RNGTT: variants seen among roughly 807,000 people sequenced by gnomAD.
RNGTT encodes mRNA-capping enzyme.
Under a neutral mutation model 79.3 loss-of-function variants are expected in RNGTT, and 33 were observed. That is an observed-to-expected ratio of 0.42 (90% confidence interval 0.32 to 0.56). The LOEUF is 0.56. Ranked by LOEUF, RNGTT falls within the 20% of genes least tolerant of loss-of-function variation. The probability of loss-of-function intolerance (pLI) is 0.17; values close to 1 mark genes in which losing one functional copy is unlikely to be tolerated. For synonymous variants in RNGTT, 222 were observed against 235.9 expected (o/e 0.94, Z 0.54); for missense variants, 497 against 739.1 (o/e 0.67, Z 3.80).
At chr6:88,897,221 C>A (rs1422864073) in intron 6 of RNGTT, among the ~76,000 whole-genome samples, 1 of 152,086 alleles carries the variant, frequency 6.6e-6, no homozygotes, top group African/African-American at 2.4e-5. Context: ...GCCTCAGTGC[C>A]CCTTACCCTC....
chr6:88,949,572 T>C (rs975948215), intron 1 of RNGTT, among the ~76,000 whole-genome samples: 12 of 152,150 alleles, frequency 7.9e-5, no homozygotes, highest in East Asian at 1.9e-4. Context: ...AAAAGTGAAA[T>C]AGTCTTATTG....
intron 4 of RNGTT, among the ~76,000 whole-genome samples, chr6:88,926,962 A>G (rs1376048520): frequency 6.6e-6 from 1 of 152,096 alleles, no homozygotes; most frequent in Non-Finnish European, 1.5e-5. Flanking sequence ...TTTCTTTTTT[A>G]TCTTACGTTC....
chr6:88,910,627 A>G (rs1167018292), intron 4 of RNGTT, among the ~76,000 whole-genome samples: 1 of 152,240 alleles, frequency 6.6e-6, no homozygotes, highest in Non-Finnish European at 1.5e-5. Flanking sequence ...ACATGCTAAT[A>G]TAAGAAACTC....
chr6:88,612,652 CA>C lies in RNGTT; in HGVS notation c.*66del. ...AGTCGTTTTTCAATTTCTCTGGCTA[CA>C]AAAATGGGCAACAGCGTTTTTTCCT... On this transcript the variant is annotated 3_prime_UTR_variant, in exon 16 of 16. Transcript: ENST00000369485. The C allele has an allele frequency of 7.5e-7, 1 of 1,327,568 alleles. No individual in the cohort carries two copies. The allele number at this position is 1,327,568 out of a possible 1,614,324, so 82.2% of individuals were successfully genotyped here. A position where few individuals can be genotyped will look rare whatever the true frequency, so the allele number is the denominator to read the frequency against.
Position 88,926,487 on chromosome 6 carries a change from T to C in RNGTT, c.367+2498A>G, listed in dbSNP as rs185173359. 1.5e-4 allele frequency among the ~76,000 whole-genome samples: 23 copies of C among 152,350 alleles called. No homozygotes were observed. The East Asian group carries it at 3.7e-3, about 24-fold the overall frequency. ...CATTGGGATTTTGGTTAGAACAACA[T>C]TAAAACTTTGAAATTAATGTGGAAA... On this transcript the variant is annotated intron_variant, in intron 4 of 15. Transcript: ENST00000369485.
rs1454625994 is a variant in RNGTT, at chr6:88,760,109, A to G, written c.1439+9665T>C. Among the ~76,000 whole-genome samples, 5 of 152,246 alleles carry G rather than the reference A, an allele frequency of 3.3e-5. No homozygotes were observed. In the East Asian group the frequency reaches 9.6e-4, roughly 29 times the overall value. On this transcript the variant is annotated intron_variant, in intron 13 of 15. Transcript: ENST00000369485. ...TAAAACAAAGGTGATATATACTTCT[A>G]TTTAGTAAATTAACAAGTAAAAATA...
chr6:88,764,196 T>G lies in RNGTT; in HGVS notation c.1439+5578A>C, dbSNP rs115933418. 9.0e-3 allele frequency among the ~76,000 whole-genome samples: 1,376 copies of G among 152,354 alleles called. 19 individuals carry two copies. Among genetic ancestry groups the G allele is most frequent in the African/African-American group, 0.031 (1,291 of 41,576 alleles). On this transcript the variant is annotated intron_variant, in intron 13 of 15. Coordinates refer to ENST00000369485, the MANE Select transcript of RNGTT (RefSeq NM_003800.5). The stretch of plus-strand genomic sequence containing the variant: ...GACGCTTCCTGCAGTGCTTGCTTCC[T>G]CTGCAAGACTTTTTCATCTCTTCAG...
intron 1 of RNGTT, among the ~76,000 whole-genome samples, chr6:88,958,137 C>T (rs1354062395): frequency 1.3e-5 from 2 of 152,168 alleles, no homozygotes; most frequent in Non-Finnish European, 2.9e-5. Flanking sequence ...AAAGGACACC[C>T]TATTCAACAA....
chr6:88,913,223 A>C (rs553405581), intron 4 of RNGTT, among the ~76,000 whole-genome samples: 54 of 145,602 alleles, frequency 3.7e-4, no homozygotes, highest in Admixed American at 8.2e-4. Context: ...ACAAAAAAAA[A>C]AAACAAAAAA....
chr6:88,889,681 T>A (rs138846903), intron 8 of RNGTT, among the ~76,000 whole-genome samples: 1 of 152,184 alleles, frequency 6.6e-6, no homozygotes, highest in Non-Finnish European at 1.5e-5. Context: ...AAAACTGTAA[T>A]AGATGCAAAA....
chr6:88,686,974 A>G (rs1775302621), intron 13 of RNGTT, among the ~76,000 whole-genome samples: 1 of 151,072 alleles, frequency 6.6e-6, no homozygotes. Context: ...TACTATGTAA[A>G]AATTTTTTTA....
intron 14 of RNGTT, among the ~76,000 whole-genome samples, chr6:88,663,003 T>C (rs1374332102): frequency 6.6e-6 from 1 of 152,180 alleles, no homozygotes; most frequent in Non-Finnish European, 1.5e-5. Flanking sequence ...CTATTGACTT[T>C]TGGATTTGAA....
At chr6:88,778,450 T>C in intron 12 of RNGTT, among the ~76,000 whole-genome samples, 1 of 152,282 alleles carries the variant, frequency 6.6e-6, no homozygotes, top group Middle Eastern at 3.4e-3. Context: ...TTTTAAATTA[T>C]CCAAGTCAAA....
chr6:88,885,141 T>C (rs1399234281), intron 8 of RNGTT, among the ~76,000 whole-genome samples: 5 of 150,236 alleles, frequency 3.3e-5, no homozygotes, highest in African/African-American at 1.0e-4. Context: ...CACACACACA[T>C]ATTTCCTAGC....
chr6:88,634,188 G>A (rs1773010550), intron 14 of RNGTT, among the ~76,000 whole-genome samples: 1 of 151,978 alleles, frequency 6.6e-6, no homozygotes, highest in East Asian at 1.9e-4. Flanking sequence ...GAACTCAAAG[G>A]TTTTATAAAT....
intron 13 of RNGTT, among the ~76,000 whole-genome samples, chr6:88,739,725 TTATATATATATATATATATATATA>T (rs367967175): frequency 0.017 from 1,555 of 94,136 alleles, 69 homozygotes; most frequent in East Asian, 0.038. Context: ...GTGAAAAAAA[TTATATATATATATATATATATATA>T]TATATATATA....
intron 6 of RNGTT, among the ~76,000 whole-genome samples, chr6:88,899,254 G>GA (rs1180723999): frequency 6.7e-6 from 1 of 149,948 alleles, no homozygotes; most frequent in Non-Finnish European, 1.5e-5. Context: ...CAAAAAGAGA[G>GA]AAAGAAGGTT....
At chr6:88,776,712 G>C (rs1010838130) in intron 12 of RNGTT, among the ~76,000 whole-genome samples, 4 of 146,956 alleles carry the variant, frequency 2.7e-5, no homozygotes, top group Non-Finnish European at 6.0e-5. Flanking sequence ...ATTTGTTTTT[G>C]TTTTGTTTTT....
intron 11 of RNGTT, among the ~76,000 whole-genome samples, chr6:88,817,565 C>T (rs550340358): frequency 3.4e-5 from 5 of 147,562 alleles, no homozygotes; most frequent in Non-Finnish European, 7.4e-5. Context: ...ACAACACATA[C>T]GTGTACACAC....
Sources: allele counts gnomAD v4.1 joint callset (sites outside exome capture counted in the v4.1 genomes callset), GRCh38; gene constraint gnomAD v4.1.1; transcripts MANE v1.5; gene names NCBI Gene and HGNC (gene_info 2026-07-23, HGNC 2026-07-21).